PPIC: variants seen among roughly 807,000 people sequenced by gnomAD.
The protein encoded by PPIC is peptidyl-prolyl cis-trans isomerase C.
PPIC carries 19 observed loss-of-function variants against 19.5 expected under a neutral mutation model. That is an observed-to-expected ratio of 0.98 (90% CI 0.68 to 1.43). The LOEUF (loss-of-function observed/expected upper bound fraction) is 1.43. Among genes scored for constraint, PPIC ranks in the 40% most tolerant of loss-of-function variants. The pLI, the probability that PPIC is intolerant of heterozygous loss-of-function variation, is 0.00. For synonymous variants in PPIC, 107 were observed against 101.2 expected (o/e 1.06, Z -0.34); for missense variants, 268 against 268.6 (o/e 1.00, Z 0.02).
At chr5:123,029,476 G>T in intron 1 of PPIC, 58 bp from the exon 2 acceptor site, 1 of 1,470,852 alleles carries the variant, frequency 6.8e-7, no homozygotes, top group South Asian at 1.6e-5. Flanking sequence ...ACAAATACAA[G>T]GTAAGTCAAA....
intron 1 of PPIC, among the ~76,000 whole-genome samples, chr5:123,030,248 T>G (rs945640259): frequency 6.6e-6 from 1 of 152,234 alleles, no homozygotes; most frequent in African/African-American, 2.4e-5. Context: ...AAAGTTCTCT[T>G]GGACTTGTTT....
chr5:123,033,689 A>G (rs895901782), intron 1 of PPIC, among the ~76,000 whole-genome samples: 14 of 152,324 alleles, frequency 9.2e-5, no homozygotes, highest in African/African-American at 3.1e-4. Flanking sequence ...AAGCCCTCCC[A>G]GGTAGGGATG....
chr5:123,026,938 T>C (rs1390827052), intron 3 of PPIC, among the ~76,000 whole-genome samples: 2 of 152,138 alleles, frequency 1.3e-5, no homozygotes, highest in East Asian at 3.9e-4. Flanking sequence ...CTCACACCTG[T>C]AATCCCAGCA....
Position 123,023,809 on chromosome 5 carries a change from C to CAA in PPIC, c.*65_*66insTT. ...AGCAAATAATTGAAAGACAACACAA[C>CAA]ACACACACACACACACACACACACA... is the stretch of plus-strand genomic sequence containing the variant. On this transcript the variant is annotated 3_prime_UTR_variant, in exon 5 of 5. Coordinates refer to ENST00000306442, the MANE Select transcript of PPIC (RefSeq NM_000943.5). 1.2e-6 allele frequency: 1 copy of CAA among 849,088 alleles called. No homozygotes were observed. The highest frequency in any genetic ancestry group is 1.5e-6 in the Non-Finnish European group (1 of 646,694). The allele number at this position is 849,088 out of a possible 1,614,324, so 52.6% of individuals were successfully genotyped here. A position where few individuals can be genotyped will look rare whatever the true frequency, so the allele number is the denominator to read the frequency against.
intron 3 of PPIC, among the ~76,000 whole-genome samples, chr5:123,028,301 TATG>T (rs770568559): frequency 1.1e-4 from 17 of 152,202 alleles, no homozygotes; most frequent in Non-Finnish European, 2.2e-4. Context: ...GTTTTGTCAA[TATG>T]ATGAAAGATT....
At chr5:123,033,607 G>T (rs1440033339) in intron 1 of PPIC, among the ~76,000 whole-genome samples, 1 of 152,124 alleles carries the variant, frequency 6.6e-6, no homozygotes, top group African/African-American at 2.4e-5. Flanking sequence ...TTCATAAATT[G>T]CCCAGCCTCA....
At chr5:123,034,076 T>C (rs1425187897) in intron 1 of PPIC, among the ~76,000 whole-genome samples, 2 of 152,212 alleles carry the variant, frequency 1.3e-5, no homozygotes, top group African/African-American at 4.8e-5. Flanking sequence ...ACACCTCTCT[T>C]ATTTACAGAT....
chr5:123,028,984 G>A, intron 2 of PPIC, 116 bp from the exon 3 acceptor site: 1 of 975,770 alleles, frequency 1.0e-6, no homozygotes, highest in Non-Finnish European at 1.5e-6. Context: ...TACAGAACTT[G>A]ATTCTATCCC....
rs750956100 is a variant in PPIC, at chr5:123,023,836, A to ACACACC, written c.*38_*39insGGTGTG. ...CACACACACACACACACACACACACACCCCTGCCAAAGCATATCCTTGTTT... is the reference window on the plus strand; with the variant it reads ...CACACACACACACACACACACACACACACACCCCCCTGCCAAAGCATATCCTTGTTT... On this transcript the variant is annotated 3_prime_UTR_variant, in exon 5 of 5. Transcript: ENST00000306442. The ACACACC allele has an allele frequency of 1.2e-6, 2 of 1,602,836 alleles. No individual in the cohort carries two copies. Among genetic ancestry groups the ACACACC allele is most frequent in the African/African-American group, 2.7e-5 (2 of 73,956 alleles).
intron 3 of PPIC, among the ~76,000 whole-genome samples, chr5:123,027,502 C>T (rs765874036): frequency 3.9e-5 from 6 of 152,152 alleles, no homozygotes; most frequent in Non-Finnish European, 5.9e-5. Flanking sequence ...CGGGCACCAG[C>T]GCTGCAGGGT....
In PPIC at chr5:123,036,701, G is replaced by A. The variant is rs1055070155; in HGVS notation, c.-76C>T. On this transcript the variant is annotated 5_prime_UTR_variant, in exon 1 of 5. Coordinates refer to ENST00000306442, the MANE Select transcript of PPIC (RefSeq NM_000943.5). The surrounding 1 kb of genome is among the most constrained non-coding windows in gnomAD (Gnocchi z 4.5). ...CGACACAGGCTCTGGGACAGCTGAC[G>A]GGACTGCCGGCCGGCTGCGCCTGCG... The A allele has an allele frequency of 3.0e-6, 4 of 1,313,594 alleles. No individual in the cohort carries two copies. The Admixed American group carries it at 6.4e-5, about 21-fold the overall frequency. 81.4% of individuals were successfully genotyped at this position (1,313,594 alleles called of 1,614,324 possible). A position where few individuals can be genotyped will look rare whatever the true frequency, so the allele number is the denominator to read the frequency against.
intron 1 of PPIC, among the ~76,000 whole-genome samples, chr5:123,032,941 G>A (rs1371738211): frequency 1.3e-5 from 2 of 152,084 alleles, no homozygotes; most frequent in Non-Finnish European, 2.9e-5. Flanking sequence ...GGAGATGGGA[G>A]GAGGTAGAGG....
At chr5:123,032,403 G>C (rs1762955590) in intron 1 of PPIC, among the ~76,000 whole-genome samples, 1 of 152,206 alleles carries the variant, frequency 6.6e-6, no homozygotes, top group African/African-American at 2.4e-5. Flanking sequence ...GGTCGAGCCA[G>C]GGAAACCCTA....
intron 1 of PPIC, among the ~76,000 whole-genome samples, chr5:123,031,953 C>A (rs1762948803): frequency 6.6e-6 from 1 of 152,180 alleles, no homozygotes; most frequent in Admixed American, 6.5e-5. Flanking sequence ...TGTACCACCA[C>A]ACCTGGCTAA....
At chr5:123,027,046 C>T (rs571989075) in intron 3 of PPIC, among the ~76,000 whole-genome samples, 10 of 152,058 alleles carry the variant, frequency 6.6e-5, no homozygotes, top group African/African-American at 2.2e-4. Context: ...TACAAAAAAT[C>T]AGCCGGGCAT....
rs760961856 is a variant in PPIC at position 123,023,851 on chromosome 5, T to C, written c.*24A>G. On this transcript the variant is annotated 3_prime_UTR_variant, in exon 5 of 5. Transcript: ENST00000306442. ...ACACACACACACCCCTGCCAAAGCA[T>C]ATCCTTGTTTTCTGCCAGTTGTGTC... 2 of 1,554,732 alleles carry C rather than the reference T, an allele frequency of 1.3e-6. No homozygotes were observed. The highest frequency in any genetic ancestry group is 3.5e-5 in the Admixed American group (2 of 57,366).
intron 4 of PPIC, among the ~76,000 whole-genome samples, chr5:123,025,034 T>G (rs1222876202): frequency 6.6e-6 from 1 of 152,254 alleles, no homozygotes; most frequent in East Asian, 1.9e-4. Context: ...TCAAATTCTC[T>G]TCAATAATTT....
chr5:123,030,726 AG>A (rs1762929952), intron 1 of PPIC, among the ~76,000 whole-genome samples: 1 of 152,208 alleles, frequency 6.6e-6, no homozygotes, highest in South Asian at 2.1e-4. Flanking sequence ...TGGGATAGGA[AG>A]GTGCTTCAAC....
chr5:123,028,722 T>C, intron 3 of PPIC, 53 bp downstream of exon 3: 1 of 1,452,284 alleles, frequency 6.9e-7, no homozygotes, highest in Non-Finnish European at 9.6e-7. Flanking sequence ...TATACTGGCT[T>C]AACCTTAGAT....
Sources: allele counts gnomAD v4.1 joint callset (sites outside exome capture counted in the v4.1 genomes callset), GRCh38; gene constraint gnomAD v4.1.1; non-coding constraint Gnocchi (gnomAD v3.1); transcripts MANE v1.5; gene names NCBI Gene and HGNC (gene_info 2026-07-23, HGNC 2026-07-21).